The following SCAF4 variants were observed in gnomAD, a reference collection of about 807,000 sequenced individuals.
SCAF4 encodes SR-related CTD associated factor 4.
In SCAF4, 25 loss-of-function variants were observed where a neutral mutation model predicts 129.8. The ratio of observed to expected loss-of-function variants is 0.19; its 90% confidence interval spans 0.14 to 0.27. The LOEUF is 0.27. SCAF4 is among the 10% of genes least tolerant of loss of function. SCAF4 has a pLI of 1.00. For synonymous variants in SCAF4, 551 were observed against 497.7 expected, an observed-to-expected ratio of 1.11 and a Z score of -1.43; for missense variants, 1,246 against 1,457.1, an observed-to-expected ratio of 0.86 and a Z score of 2.36.
intron 19 of SCAF4, 60 bp downstream of exon 19, chr21:31,684,989 G>T: frequency 1.6e-6 from 1 of 612,496 alleles, no homozygotes; most frequent in Non-Finnish European, 2.8e-6. Flanking sequence ...CTTGGGGATG[G>T]GTGGGGGGGT....
intron 1 of SCAF4, among the ~76,000 whole-genome samples, chr21:31,708,194 C>A (rs1440803842): frequency 6.6e-6 from 1 of 152,008 alleles, no homozygotes; most frequent in Non-Finnish European, 1.5e-5. Context: ...TCGAGACCAG[C>A]CTGGCCAACG....
At chr21:31,700,023 C>T (rs1322436074) in intron 7 of SCAF4, among the ~76,000 whole-genome samples, 2 of 151,782 alleles carry the variant, frequency 1.3e-5, no homozygotes, top group Non-Finnish European at 2.9e-5. Context: ...GCTAGTGGCA[C>T]AATCATGGCT....
chr21:31,696,087 T>C, intron 9 of SCAF4, 26 bp downstream of exon 9: 3 of 1,535,424 alleles, frequency 2.0e-6, no homozygotes, highest in South Asian at 1.1e-5. Flanking sequence ...AGATCTTTCT[T>C]TGAACTGCAA....
chr21:31,731,149 T>C (rs917885725), intron 1 of SCAF4, among the ~76,000 whole-genome samples: 3 of 152,134 alleles, frequency 2.0e-5, no homozygotes, highest in Non-Finnish European at 4.4e-5. Context: ...AGACCCGGGA[T>C]CAGAGTCCAG....
chr21:31,685,809 C>T lies in SCAF4; in HGVS notation c.2044-76G>A, dbSNP rs2050108258. 4 of 1,365,436 alleles carry T rather than the reference C, an allele frequency of 2.9e-6. No homozygotes were observed. The Admixed American group carries it at 7.7e-5, about 26-fold the overall frequency. The allele number at this position is 1,365,436 out of a possible 1,614,324, so 84.6% of individuals were successfully genotyped here. ...CACACAGTAAGCACAGATAAAAGAG[C>T]AAACTGTTGAAAAAATAGATGTTTC... is the stretch of plus-strand genomic sequence containing the variant. On this transcript the variant is annotated intron_variant, in intron 16 of 19. Coordinates refer to ENST00000286835, the MANE Select transcript of SCAF4 (RefSeq NM_020706.2).
chr21:31,694,958 T>A lies in SCAF4; in HGVS notation c.1091A>T (p.Gln364Leu). The A allele has an allele frequency of 6.2e-7, 1 of 1,614,058 alleles. No homozygotes were observed. Among genetic ancestry groups the A allele is most frequent in the East Asian group, 2.2e-5 (1 of 44,878 alleles). The stretch of plus-strand genomic sequence containing the variant: ...AGGAAGAAGTCCAAATCCTGGCATT[T>A]GTCCATTAGGAGGAAGTGGAACCTT... ...HHQVPLPPNG[Q>L]MPGFGLLPTP... The change falls in exon 10 of 20, where the codon CAA (glutamine) becomes CTA (leucine). Residue 364 changes from glutamine (Q) to leucine (L), a missense_variant. Around this residue, in one of 6 missense-constraint regions of SCAF4, gnomAD observed 236 missense variants for 210.0 expected, o/e 1.12. Transcript: ENST00000286835.
chr21:31,696,529 C>T (rs779380161), intron 8 of SCAF4, 40 bp downstream of exon 8: 2 of 1,525,944 alleles, frequency 1.3e-6, no homozygotes, highest in Admixed American at 2.0e-5. Context: ...ACAACTATTA[C>T]CAATTTTCTA....
intron 1 of SCAF4, among the ~76,000 whole-genome samples, chr21:31,714,740 G>T (rs1402084982): frequency 1.3e-5 from 2 of 152,124 alleles, no homozygotes; most frequent in Non-Finnish European, 2.9e-5. Context: ...AAACTCCAAG[G>T]ATTTTTAAAA....
intron 1 of SCAF4, among the ~76,000 whole-genome samples, chr21:31,717,842 T>TATATATATATACACAC (rs547466352): frequency 8.7e-6 from 1 of 114,384 alleles, no homozygotes; most frequent in African/African-American, 3.4e-5. Context: ...TATATATATA[T>TATATATATATACACAC]ACACACACAC....
In SCAF4 at chr21:31,714,039, T is replaced by A. The variant is rs78270409; in HGVS notation, c.31-7682A>T. Reference sequence around the variant, plus strand: ...TCTATAGAGAGTGAGAAAGATTTGGTTTTGAATCTGGGTCTGGCCATGCAG... The same window carrying A: ...TCTATAGAGAGTGAGAAAGATTTGGATTTGAATCTGGGTCTGGCCATGCAG... On this transcript the variant is annotated intron_variant, in intron 1 of 19. Coordinates refer to ENST00000286835, the MANE Select transcript of SCAF4 (RefSeq NM_020706.2). 9.4e-3 allele frequency among the ~76,000 whole-genome samples: 1,428 copies of A among 152,198 alleles called. 27 individuals are homozygous for A. Among genetic ancestry groups the A allele is most frequent in the African/African-American group, 0.033 (1,354 of 41,512 alleles).
At chr21:31,682,918 T>C (rs1259053412) in intron 19 of SCAF4, among the ~76,000 whole-genome samples, 6 of 152,210 alleles carry the variant, frequency 3.9e-5, no homozygotes, top group Non-Finnish European at 8.8e-5. Flanking sequence ...CATTTAAAAC[T>C]CATTCCTCTA....
Position 31,685,772 on chromosome 21 carries a change from C to CCT in SCAF4, c.2044-40_2044-39insAG, listed in dbSNP as rs2050107134. On this transcript the variant is annotated intron_variant, in intron 16 of 19. Transcript: ENST00000286835. The stretch of plus-strand genomic sequence containing the variant: ...TAAAAGAATAAACCACCTATCTAGA[C>CCT]ACCCTCCCATCCACACAGTAAGCAC... 9 of 1,525,396 alleles carry CCT rather than the reference C, an allele frequency of 5.9e-6. No individual in the cohort carries two copies. The East Asian group carries it at 2.0e-4, about 34-fold the overall frequency. 94.5% of individuals were successfully genotyped at this position (1,525,396 alleles called of 1,614,324 possible).
intron 1 of SCAF4, among the ~76,000 whole-genome samples, chr21:31,712,145 C>G (rs183850148): frequency 6.6e-6 from 1 of 151,826 alleles, no homozygotes; most frequent in Non-Finnish European, 1.5e-5. Context: ...ATTGACTCAT[C>G]CAAATATTTC....
At chr21:31,674,080 G>A (rs1470489000) in intron 19 of SCAF4, among the ~76,000 whole-genome samples, 1 of 152,196 alleles carries the variant, frequency 6.6e-6, no homozygotes, top group Non-Finnish European at 1.5e-5. Flanking sequence ...GCAATGGGAA[G>A]GTCCTACTCC....
chr21:31,689,233 A>C (rs1417552651), intron 15 of SCAF4, among the ~76,000 whole-genome samples: 1 of 151,984 alleles, frequency 6.6e-6, no homozygotes, highest in Non-Finnish European at 1.5e-5. Context: ...GGATGTGGGA[A>C]TAGTACAGCA....
At chr21:31,718,934 A>G (rs1233418637) in intron 1 of SCAF4, among the ~76,000 whole-genome samples, 2 of 152,220 alleles carry the variant, frequency 1.3e-5, no homozygotes, top group Non-Finnish European at 2.9e-5. Flanking sequence ...ACATTTAATA[A>G]TAAATATAAC....
In SCAF4 at chr21:31,690,942, G is replaced by A. The variant is rs1158103948; in HGVS notation, c.1740C>T (p.Ala580=). 1 of 1,605,244 alleles carries A rather than the reference G, an allele frequency of 6.2e-7. No homozygotes were observed. Among genetic ancestry groups the A allele is most frequent in the African/African-American group, 1.3e-5 (1 of 74,614 alleles). ...VNQKSIKIAW[A]LNKGIKADYK... ...AATCTGCCTTTATTCCTTTGTTTAA[G>A]GCCCAGGCAATCTATTTCACCATTA... The change falls in exon 15 of 20, where the codon GCC becomes GCT. Residue 580 remains alanine (A), a synonymous_variant. Transcript: ENST00000286835.
intron 1 of SCAF4, among the ~76,000 whole-genome samples, chr21:31,727,002 T>C (rs755754668): frequency 8.5e-5 from 13 of 152,176 alleles, no homozygotes; most frequent in Non-Finnish European, 1.5e-4. Context: ...CTTTATATTT[T>C]ATTTGTAAAT....
Position 31,685,221 on chromosome 21 carries a change from A to G in SCAF4, c.2316T>C (p.Asn772=). The change falls in exon 19 of 20, where the codon AAT becomes AAC. Residue 772 remains asparagine, a synonymous_variant. Transcript: ENST00000286835. ...SIPNSTIAGI[N]EDTTKDLSIG... is the part of the protein sequence containing the mutation. ...TAGATAAGTCTTTTGTAGTGTCTTC[A>G]TTTATACCAGCGATAGTAGCTAAGG... The G allele has an allele frequency of 6.2e-7, 1 of 1,606,948 alleles. No homozygotes were observed. Among genetic ancestry groups the G allele is most frequent in the Non-Finnish European group, 8.5e-7 (1 of 1,174,496 alleles).
Sources: gnomAD v4.1 joint callset for allele counts (sites outside exome capture counted in the v4.1 genomes callset) on GRCh38, gnomAD v4.1.1 for gene constraint, gnomAD v4.1.1 regional missense constraint, MANE v1.5 for transcripts, NCBI Gene and HGNC (gene_info 2026-07-23, HGNC 2026-07-21) for gene names.